Variants in ERBB4 observed in about 807,000 individuals in gnomAD.
The protein encoded by ERBB4 is erb-b2 receptor tyrosine kinase 4.
A neutral mutation model predicts 158.0 loss-of-function variants in ERBB4; 42 were observed. The observed-to-expected ratio is 0.27, with a 90% confidence interval of 0.21 to 0.34. The LOEUF is 0.34. Among genes scored for constraint, ERBB4 ranks in the 10% least tolerant of loss-of-function variants. The probability of loss-of-function intolerance (pLI) is 1.00; values close to 1 mark genes in which losing one functional copy is unlikely to be tolerated. For synonymous variants in ERBB4, 583 were observed against 558.7 expected (o/e 1.04, Z -0.61); for missense variants, 1,333 against 1,624.1 (o/e 0.82, Z 3.08).
chr2:212,370,745 A>G (rs2090055317), intron 1 of ERBB4, among the ~76,000 whole-genome samples: 2 of 152,138 alleles, frequency 1.3e-5, no homozygotes, highest in Admixed American at 1.3e-4. Flanking sequence ...GTTTTTATAT[A>G]ACCCTTAAAC....
intron 19 of ERBB4, among the ~76,000 whole-genome samples, chr2:211,566,707 G>A (rs576306242): frequency 5.3e-5 from 8 of 151,966 alleles, no homozygotes; most frequent in East Asian, 3.9e-4. Context: ...TACACATACC[G>A]ACAAATCAGC....
intron 2 of ERBB4, among the ~76,000 whole-genome samples, chr2:212,053,663 T>C (rs2077468170): frequency 6.6e-6 from 1 of 152,188 alleles, no homozygotes; most frequent in Non-Finnish European, 1.5e-5. Context: ...GGGCAGCCTA[T>C]GATCTGGCCC....
At position 212,538,520 on chromosome 2, in the gene ERBB4, G is replaced by A. The variant is rs748663394; in HGVS notation, c.11C>T (p.Ala4Val). 1.5e-5 allele frequency: 25 copies of A among 1,614,046 alleles called. No homozygotes were observed. The highest frequency in any genetic ancestry group is 2.0e-5 in the Non-Finnish European group (24 of 1,179,922). ...GCTCACCCAGACCCAAAGTCCTGTCGCCGGCTTCATTTTTTGGAAGTCTCA... is the reference window on the plus strand; with the variant it reads ...GCTCACCCAGACCCAAAGTCCTGTCACCGGCTTCATTTTTTGGAAGTCTCA... MKP[A>V]TGLWVWVSLL... Residue 4 changes from alanine (A) to valine (V), a missense_variant, in exon 1 of 28, where the codon GCG (alanine) becomes GTG (valine). By Grantham distance (64) the Ala-to-Val change is moderately conservative. Around this residue, in one of 5 missense-constraint regions of ERBB4, gnomAD observed 438 missense variants for 586.9 expected, o/e 0.75. Transcript: ENST00000342788.
intron 1 of ERBB4, among the ~76,000 whole-genome samples, chr2:212,266,090 C>T (rs1051484091): frequency 6.6e-5 from 10 of 151,868 alleles, no homozygotes; most frequent in African/African-American, 2.2e-4. Context: ...CTAGAGCCTC[C>T]GTCTCAATTG....
chr2:212,459,093 C>T (rs1327813726), intron 1 of ERBB4, among the ~76,000 whole-genome samples: 3 of 152,044 alleles, frequency 2.0e-5, no homozygotes. Flanking sequence ...TAAATTTGTA[C>T]AGGGTGATTT....
intron 1 of ERBB4, among the ~76,000 whole-genome samples, chr2:212,493,214 T>A (rs753307740): frequency 6.6e-6 from 1 of 151,530 alleles, no homozygotes; most frequent in Admixed American, 6.6e-5. Flanking sequence ...GCTGCTTTTA[T>A]AAATGTGTCG....
At chr2:211,941,961 C>A (rs138761371) in intron 3 of ERBB4, among the ~76,000 whole-genome samples, 5,090 of 152,142 alleles carry the variant, frequency 0.033, 121 homozygotes, top group Middle Eastern at 0.088. Context: ...CACTATGAGG[C>A]AGAATTTTCT....
intron 7 of ERBB4, 123 bp from the exon 8 acceptor site, chr2:211,713,771 C>T (rs2073796962): frequency 1.5e-6 from 1 of 663,372 alleles, no homozygotes; most frequent in Non-Finnish European, 2.7e-6. Flanking sequence ...ATGTATCTTA[C>T]CCTTAAACAA....
In ERBB4 at chr2:212,279,148, G is replaced by T. The variant is rs913670263; in HGVS notation, c.83-154245C>A. Among the ~76,000 whole-genome samples the T allele has an allele frequency of 3.3e-5, 5 of 151,420 alleles. No individual in the cohort carries two copies. The Admixed American group carries it at 3.3e-4, about 10-fold the overall frequency. On this transcript the variant is annotated intron_variant, in intron 1 of 27. Coordinates refer to ENST00000342788, the MANE Select transcript of ERBB4 (RefSeq NM_005235.3). Reference sequence around the variant, plus strand: ...GTATAAATAATGAGTTATGAGTATAGAAGAGAGTAGAATTAATGAAATTTC... The same window carrying T: ...GTATAAATAATGAGTTATGAGTATATAAGAGAGTAGAATTAATGAAATTTC...
chr2:211,699,263 A>AC (rs1301687322), intron 12 of ERBB4, among the ~76,000 whole-genome samples: 1 of 152,214 alleles, frequency 6.6e-6, no homozygotes, highest in Admixed American at 6.5e-5. Context: ...ACAGACATGC[A>AC]CGCTGATATG....
intron 1 of ERBB4, among the ~76,000 whole-genome samples, chr2:212,347,789 G>A (rs1273334285): frequency 6.6e-6 from 1 of 151,964 alleles, no homozygotes; most frequent in Non-Finnish European, 1.5e-5. Context: ...AGAAATAACT[G>A]TCCATTTATT....
chr2:211,752,857 G>T (rs2075174530), intron 4 of ERBB4, among the ~76,000 whole-genome samples: 1 of 152,074 alleles, frequency 6.6e-6, no homozygotes, highest in South Asian at 2.1e-4. Context: ...CTGTCTACTC[G>T]ATATTATGAG....
chr2:211,622,495 T>A (rs1167687644), intron 18 of ERBB4, among the ~76,000 whole-genome samples: 2 of 152,142 alleles, frequency 1.3e-5, no homozygotes, highest in African/African-American at 4.8e-5. Context: ...TAGATTATTT[T>A]GGAGCACTTG....
chr2:211,817,315 G>A (rs930058133), intron 3 of ERBB4, among the ~76,000 whole-genome samples: 9 of 152,160 alleles, frequency 5.9e-5, no homozygotes, highest in Non-Finnish European at 8.8e-5. Flanking sequence ...CTTTACATTT[G>A]GAGCCTCAAT....
At chr2:211,595,607 A>C (rs1184909059) in intron 19 of ERBB4, among the ~76,000 whole-genome samples, 1 of 152,176 alleles carries the variant, frequency 6.6e-6, no homozygotes, top group East Asian at 1.9e-4. Context: ...ACCAGATGTT[A>C]TTAGACTACT....
At chr2:211,918,563 G>T (rs1038410871) in intron 3 of ERBB4, among the ~76,000 whole-genome samples, 1 of 152,100 alleles carries the variant, frequency 6.6e-6, no homozygotes, top group African/African-American at 2.4e-5. Context: ...TCAGTTGGTA[G>T]GATGTAATAC....
intron 12 of ERBB4, among the ~76,000 whole-genome samples, chr2:211,688,945 G>A (rs2072687672): frequency 1.3e-5 from 2 of 151,854 alleles, no homozygotes; most frequent in African/African-American, 4.8e-5. Context: ...ACTTAATTGT[G>A]GTTTTCTCCA....
chr2:211,704,319 C>A (rs776434595), intron 10 of ERBB4, 125 bp from the exon 11 acceptor site: 2 of 706,450 alleles, frequency 2.8e-6, no homozygotes, highest in Non-Finnish European at 2.6e-6. Flanking sequence ...GTGAACATTT[C>A]TATTTTTTAA....
chr2:211,902,955 ATC>A (rs1379603540), intron 3 of ERBB4, among the ~76,000 whole-genome samples: 1 of 152,008 alleles, frequency 6.6e-6, no homozygotes, highest in Non-Finnish European at 1.5e-5. Context: ...AAAACTAATT[ATC>A]TCTGTAATCT....
Sources: gnomAD v4.1 joint callset for allele counts (sites outside exome capture counted in the v4.1 genomes callset) on GRCh38, gnomAD v4.1.1 for gene constraint, gnomAD v4.1.1 regional missense constraint, MANE v1.5 for transcripts, NCBI Gene and HGNC (gene_info 2026-07-23, HGNC 2026-07-21) for gene names.